Variants in PDS5A observed in about 807,000 individuals in gnomAD.
The protein encoded by PDS5A is PDS5 cohesin associated factor A.
A neutral mutation model predicts 167.1 loss-of-function variants in PDS5A; 42 were observed. That is an observed-to-expected ratio of 0.25 (90% CI 0.20 to 0.33). PDS5A has a LOEUF of 0.33. Ranked by LOEUF, PDS5A falls within the 10% of genes least tolerant of loss-of-function variation. The probability of loss-of-function intolerance (pLI) is 1.00; values close to 1 mark genes in which losing one functional copy is unlikely to be tolerated. For synonymous variants in PDS5A, 553 were observed against 554.6 expected, an observed-to-expected ratio of 1.00 and a Z score of 0.04; for missense variants, 1,033 against 1,605.9, an observed-to-expected ratio of 0.64 and a Z score of 6.10.
intron 17 of PDS5A, among the ~76,000 whole-genome samples, chr4:39,889,288 A>G (rs1425179674): frequency 6.6e-6 from 1 of 152,242 alleles, no homozygotes; most frequent in Admixed American, 6.5e-5. Flanking sequence ...GAAAAAAATT[A>G]AAAATTGCTG....
chr4:39,936,611 T>G (rs1025432196), intron 2 of PDS5A: 3 of 152,016 alleles, frequency 2.0e-5, no homozygotes, highest in African/African-American at 7.2e-5. Flanking sequence ...TTATTTTTAG[T>G]AGAGACGGGG....
At chr4:39,851,521 C>A (rs2109520921) in intron 26 of PDS5A, among the ~76,000 whole-genome samples, 1 of 152,240 alleles carries the variant, frequency 6.6e-6, no homozygotes, top group East Asian at 1.9e-4. Flanking sequence ...CTCCCAGGCT[C>A]AAGCAATCTA....
chr4:39,911,801 C>T (rs2109685647), intron 9 of PDS5A, among the ~76,000 whole-genome samples: 1 of 149,538 alleles, frequency 6.7e-6, no homozygotes, highest in South Asian at 2.1e-4. Context: ...CACTGCACTC[C>T]AGCCTGGGCG....
intron 16 of PDS5A, among the ~76,000 whole-genome samples, chr4:39,897,296 G>A (rs1454277420): frequency 6.6e-6 from 1 of 152,204 alleles, no homozygotes; most frequent in African/African-American, 2.4e-5. Flanking sequence ...TCGGAAGGCT[G>A]AGGCACAAGA....
intron 17 of PDS5A, among the ~76,000 whole-genome samples, chr4:39,883,432 C>T (rs778641234): frequency 1.3e-5 from 2 of 152,224 alleles, no homozygotes; most frequent in African/African-American, 2.4e-5. Context: ...CCGCCCACTT[C>T]GGCCTCCCAA....
At chr4:39,919,279 A>G (rs78734085) in intron 7 of PDS5A, among the ~76,000 whole-genome samples, 3,748 of 152,328 alleles carry the variant, frequency 0.025, 156 homozygotes, top group East Asian at 0.18. Flanking sequence ...ACGTATCAAG[A>G]AACATTTACA....
At chr4:39,974,355 C>A in intron 2 of PDS5A, 1 of 449,904 alleles carries the variant, frequency 2.2e-6, no homozygotes, top group Non-Finnish European at 4.4e-6. Context: ...ATTTTTTAAC[C>A]AAATTATCCA....
At position 39,862,332 on chromosome 4, in the gene PDS5A, C is replaced by T; in HGVS notation, c.2973G>A (p.Glu991=). Residue 991 remains glutamate (E), a splice_region_variant and synonymous_variant, in exon 26 of 33, where the codon GAG becomes GAA. Coordinates refer to ENST00000303538, the MANE Select transcript of PDS5A (RefSeq NM_001100399.2). ...ATTCAGGCAACAGTGATAATAATTTCTCTGAAGTAAAAACATTATTAAAAA... is the reference window on the plus strand; with the variant it reads ...ATTCAGGCAACAGTGATAATAATTTTTCTGAAGTAAAAACATTATTAAAAA... ...EYIKQNPMAT[E]KLLSLLPEYV... 7.2e-7 allele frequency: 1 copy of T among 1,396,830 alleles called. No homozygotes were observed. The highest frequency in any genetic ancestry group is 2.0e-5 in the Admixed American group (1 of 49,408). 86.5% of individuals were successfully genotyped at this position (1,396,830 alleles called of 1,614,324 possible).
chr4:39,863,177 G>A, intron 24 of PDS5A, 104 bp from the exon 25 acceptor site: 1 of 966,070 alleles, frequency 1.0e-6, no homozygotes, highest in Non-Finnish European at 1.6e-6. Flanking sequence ...TAATTATATG[G>A]GAGAATAAAT....
intron 16 of PDS5A, among the ~76,000 whole-genome samples, chr4:39,892,819 G>C (rs1179790649): frequency 6.6e-6 from 1 of 152,194 alleles, no homozygotes; most frequent in Non-Finnish European, 1.5e-5. Context: ...AAAAGATGGA[G>C]AGATTCATGA....
Position 39,920,973 on chromosome 4 carries a change from AT to A in PDS5A, c.655-575del, listed in dbSNP as rs1201085575. Among the ~76,000 whole-genome samples, 12 of 152,214 alleles carry A rather than the reference AT, an allele frequency of 7.9e-5. No homozygotes were observed. The East Asian group carries it at 1.2e-3, about 15-fold the overall frequency. On this transcript the variant is annotated intron_variant, in intron 6 of 32. Coordinates refer to ENST00000303538, the MANE Select transcript of PDS5A (RefSeq NM_001100399.2). The stretch of plus-strand genomic sequence containing the variant: ...AGGACCTTAGAAAATATATTATTTA[AT>A]TTTTTTTAAATGCCTGAAAAGGGAA...
chr4:39,926,650 G>T (rs1241538590), intron 4 of PDS5A, 125 bp downstream of exon 4: 2 of 628,424 alleles, frequency 3.2e-6, no homozygotes, highest in East Asian at 4.0e-5. Context: ...CTTATGAAAT[G>T]TAAAAGACAT....
rs370276475 is a variant in PDS5A at position 39,976,497 on chromosome 4, C to T, written c.81G>A (p.Pro27=). 10 of 1,613,302 alleles carry T rather than the reference C, an allele frequency of 6.2e-6. No homozygotes were observed. In the African/African-American group the frequency reaches 1.2e-4, roughly 19 times the overall value. ...VSADGKIAYP[P]GVKEITDKIT... ...TCTTGTCGGTGATCTCTTTTACCCC[C>T]GGAGGGTAAGCGATCTTCCCGTCGG... Residue 27 remains proline (P), a synonymous_variant, in exon 2 of 33, where the codon CCG becomes CCA. Transcript: ENST00000303538.
chr4:39,898,164 C>T (rs1722585215), intron 16 of PDS5A: 1 of 1,231,222 alleles, frequency 8.1e-7, no homozygotes, highest in African/African-American at 1.6e-5. Flanking sequence ...TGTAAAATTC[C>T]TAAGACCAAT....
intron 17 of PDS5A, among the ~76,000 whole-genome samples, chr4:39,888,692 A>AC (rs1721704774): frequency 6.6e-6 from 1 of 151,790 alleles, no homozygotes; most frequent in Admixed American, 6.6e-5. Flanking sequence ...AAGAACAACA[A>AC]AAAAAAAACA....
intron 23 of PDS5A, among the ~76,000 whole-genome samples, chr4:39,866,092 G>A (rs928240460): frequency 1.3e-5 from 2 of 152,138 alleles, no homozygotes; most frequent in South Asian, 4.1e-4. Flanking sequence ...TCTCCCTTGA[G>A]TTGCCATTGC....
intron 24 of PDS5A, 127 bp downstream of exon 24, chr4:39,863,209 T>C (rs755899143): frequency 3.0e-5 from 28 of 928,388 alleles, no homozygotes; most frequent in Non-Finnish European, 4.4e-5. Context: ...TGGAAGACAG[T>C]TAAACAGGTA....
At chr4:39,925,808 A>C in intron 5 of PDS5A, 28 bp downstream of exon 5, 1 of 890,728 alleles carries the variant, frequency 1.1e-6, no homozygotes, top group Non-Finnish European at 1.7e-6. Flanking sequence ...AAAAAGAGAC[A>C]AACAGAAATG....
At chr4:39,856,788 C>T (rs932818962) in intron 26 of PDS5A, among the ~76,000 whole-genome samples, 16 of 152,030 alleles carry the variant, frequency 1.1e-4, no homozygotes, top group African/African-American at 3.1e-4. Flanking sequence ...CGCACTCCAG[C>T]CTGGGCAACA....
Sources: allele counts gnomAD v4.1 joint callset (sites outside exome capture counted in the v4.1 genomes callset), GRCh38; gene constraint gnomAD v4.1.1; transcripts MANE v1.5; gene names NCBI Gene and HGNC (gene_info 2026-07-23, HGNC 2026-07-21).